The following SDK1 variants were observed in gnomAD, a reference collection of about 807,000 sequenced individuals.
SDK1 encodes the protein protein sidekick-1.
Under a neutral mutation model 245.5 loss-of-function variants are expected in SDK1, and 157 were observed. The observed-to-expected ratio is 0.64, with a 90% confidence interval of 0.56 to 0.73. The LOEUF is 0.73. Among genes scored for constraint, SDK1 ranks in the 30% least tolerant of loss-of-function variants. The probability of loss-of-function intolerance (pLI) is 0.00; values close to 1 mark genes in which losing one functional copy is unlikely to be tolerated. For missense variants in SDK1, 3,583 were observed against 3,002.3 expected (o/e 1.19, Z -4.52); for synonymous variants, 1,647 against 1,278.5 (o/e 1.29, Z -6.15).
At chr7:4,259,730 A>G (rs1451753400) in intron 44 of SDK1, among the ~76,000 whole-genome samples, 1 of 152,188 alleles carries the variant, frequency 6.6e-6, no homozygotes, top group Non-Finnish European at 1.5e-5. Context: ...TGAGTTATAA[A>G]AAAACCTTTT....
chr7:4,163,962 G>A (rs1781334623), intron 32 of SDK1, among the ~76,000 whole-genome samples: 1 of 152,242 alleles, frequency 6.6e-6, no homozygotes, highest in Admixed American at 6.5e-5. Context: ...TGGGTTCTGT[G>A]AAGAGTGTGT....
intron 1 of SDK1, among the ~76,000 whole-genome samples, chr7:3,410,115 T>C (rs551903118): frequency 1.9e-4 from 29 of 152,286 alleles, no homozygotes; most frequent in African/African-American, 6.7e-4. Context: ...AATACTTAAG[T>C]GTTATCATAA....
At chr7:4,141,702 G>A (rs1050740339) in intron 28 of SDK1, among the ~76,000 whole-genome samples, 2 of 152,192 alleles carry the variant, frequency 1.3e-5, no homozygotes, top group African/African-American at 4.8e-5. Flanking sequence ...GTCGGGGCCA[G>A]GCCTCCAAGC....
chr7:4,116,938 C>T (rs550826550), intron 25 of SDK1, among the ~76,000 whole-genome samples: 9 of 152,198 alleles, frequency 5.9e-5, no homozygotes, highest in Admixed American at 1.3e-4. Context: ...GCTTTCATTA[C>T]GTTCCAAAGG....
In SDK1 at chr7:3,755,017, G is replaced by A. The variant is rs568290076; in HGVS notation, c.714-66433G>A. 1.3e-4 allele frequency among the ~76,000 whole-genome samples: 20 copies of A among 152,206 alleles called. No homozygotes were observed. The South Asian group carries it at 3.3e-3, about 25-fold the overall frequency. ...TTTTATAAAGTGGGCTTGCTTCTGTGGAAATAAACAAAGACCAAATGAGAA... is the reference window on the plus strand; with the variant it reads ...TTTTATAAAGTGGGCTTGCTTCTGTAGAAATAAACAAAGACCAAATGAGAA... On this transcript the variant is annotated intron_variant, in intron 4 of 44. Transcript: ENST00000404826.
At chr7:3,306,681 G>A (rs879716735) in intron 1 of SDK1, among the ~76,000 whole-genome samples, 9 of 152,202 alleles carry the variant, frequency 5.9e-5, no homozygotes, top group Non-Finnish European at 1.2e-4. Flanking sequence ...TATCAGGTAA[G>A]ACTGTGTAGT....
At chr7:3,536,125 C>T (rs1001506896) in intron 1 of SDK1, among the ~76,000 whole-genome samples, 7 of 151,326 alleles carry the variant, frequency 4.6e-5, no homozygotes, top group South Asian at 2.1e-4. Flanking sequence ...GGTGCGATCT[C>T]GGCTCACTGC....
rs111342316 is a variant in SDK1, at chr7:3,646,245, T to C, written c.713+4140T>C. Among the ~76,000 whole-genome samples, 1,094 of 152,284 alleles carry C rather than the reference T, an allele frequency of 7.2e-3. 18 individuals carry two copies. The highest frequency in any genetic ancestry group is 0.025 in the African/African-American group (1,029 of 41,546). ...TGTGGTGAAAGCAGTTCATTTTCTC[T>C]CCCCACCTCCATGTTTAAACATTAC... is the stretch of plus-strand genomic sequence containing the variant. On this transcript the variant is annotated intron_variant, in intron 4 of 44. Transcript: ENST00000404826.
chr7:3,743,326 T>C (rs1278794386), intron 4 of SDK1, among the ~76,000 whole-genome samples: 1 of 152,184 alleles, frequency 6.6e-6, no homozygotes, highest in Non-Finnish European at 1.5e-5. Flanking sequence ...TCGGGTTCTG[T>C]GGCGGTACAG....
chr7:4,016,950 A>T (rs1014059708), intron 16 of SDK1, among the ~76,000 whole-genome samples: 1 of 152,214 alleles, frequency 6.6e-6, no homozygotes, highest in Non-Finnish European at 1.5e-5. Context: ...TGTAGTTGAA[A>T]TGTCAGTTCC....
intron 40 of SDK1, among the ~76,000 whole-genome samples, chr7:4,222,550 C>T (rs1785203886): frequency 6.6e-6 from 1 of 152,204 alleles, no homozygotes; most frequent in South Asian, 2.1e-4. Context: ...CCTCCTCGGC[C>T]TCCCAAAGTG....
At chr7:4,247,096 G>A (rs547505858) in intron 44 of SDK1, among the ~76,000 whole-genome samples, 1 of 152,172 alleles carries the variant, frequency 6.6e-6, no homozygotes, top group Non-Finnish European at 1.5e-5. Context: ...ACCAACCATT[G>A]GCTGTACACA....
chr7:3,433,329 T>C (rs1212187977), intron 1 of SDK1, among the ~76,000 whole-genome samples: 1 of 152,234 alleles, frequency 6.6e-6, no homozygotes, highest in Non-Finnish European at 1.5e-5. Flanking sequence ...AGTTGATATT[T>C]GGTTTAGTCA....
At chr7:3,424,843 G>A (rs1779632679) in intron 1 of SDK1, among the ~76,000 whole-genome samples, 1 of 152,186 alleles carries the variant, frequency 6.6e-6, no homozygotes, top group African/African-American at 2.4e-5. Context: ...GCTGCAGTGA[G>A]CTATGATAGC....
At chr7:3,431,654 G>C (rs942029434) in intron 1 of SDK1, among the ~76,000 whole-genome samples, 1 of 152,156 alleles carries the variant, frequency 6.6e-6, no homozygotes, top group Non-Finnish European at 1.5e-5. Context: ...TCAGCTCAGA[G>C]AAGCAGCATA....
At position 3,725,868 on chromosome 7, in the gene SDK1, G is replaced by A. The variant is rs963141421; in HGVS notation, c.713+83763G>A. ...TAAAGTTTCTAAAATTACTGCAGTCGGACTCCAATCGTATTGAACAGTCAA... is the reference window on the plus strand; with the variant it reads ...TAAAGTTTCTAAAATTACTGCAGTCAGACTCCAATCGTATTGAACAGTCAA... On this transcript the variant is annotated intron_variant, in intron 4 of 44. Transcript: ENST00000404826. 1.6e-4 allele frequency among the ~76,000 whole-genome samples: 25 copies of A among 152,220 alleles called. 1 individual carries two copies. In the South Asian group the frequency reaches 4.8e-3, roughly 29 times the overall value.
chr7:3,993,328 T>C (rs1034628322), intron 14 of SDK1, among the ~76,000 whole-genome samples: 1 of 152,160 alleles, frequency 6.6e-6, no homozygotes, highest in African/African-American at 2.4e-5. Flanking sequence ...CTACCAGTTA[T>C]CAAGAAAAAT....
At position 4,090,925 on chromosome 7, in the gene SDK1, C is replaced by G. The variant is rs138059696; in HGVS notation, c.3324+11341C>G. Among the ~76,000 whole-genome samples the G allele has an allele frequency of 1.2e-3, 178 of 152,330 alleles. 1 individual carries two copies. The highest frequency in any genetic ancestry group is 3.3e-3 in the Admixed American group (51 of 15,296). ...TTTCTACATCTATCCGAGCCCTTCTCTGGCTCCCAGTATGCTCAGTATATT... is the reference window on the plus strand; with the variant it reads ...TTTCTACATCTATCCGAGCCCTTCTGTGGCTCCCAGTATGCTCAGTATATT... On this transcript the variant is annotated intron_variant, in intron 22 of 44. Coordinates refer to ENST00000404826, the MANE Select transcript of SDK1 (RefSeq NM_152744.4).
At chr7:3,530,888 G>A (rs1174835480) in intron 1 of SDK1, among the ~76,000 whole-genome samples, 2 of 152,172 alleles carry the variant, frequency 1.3e-5, no homozygotes, top group African/African-American at 4.8e-5. Flanking sequence ...TTGTCCACAA[G>A]TATCCATAGG....
Sources: allele counts gnomAD v4.1 joint callset (sites outside exome capture counted in the v4.1 genomes callset), GRCh38; gene constraint gnomAD v4.1.1; transcripts MANE v1.5; gene names NCBI Gene and HGNC (gene_info 2026-07-23, HGNC 2026-07-21).